RABL2B: variants seen among roughly 807,000 people sequenced by gnomAD.
The protein encoded by RABL2B is RAB, member of RAS oncogene family like 2B.
A neutral mutation model predicts 26.7 loss-of-function variants in RABL2B; 17 were observed. That is an observed-to-expected ratio of 0.64 (90% confidence interval 0.44 to 0.95). The LOEUF (loss-of-function observed/expected upper bound fraction) is 0.95, where lower values mean the gene tolerates loss of function less well. Ranked by LOEUF, RABL2B falls within the 40% of genes least tolerant of loss-of-function variation. The pLI is 0.00. For synonymous variants in RABL2B, 70 were observed against 103.9 expected, an observed-to-expected ratio of 0.67 and a Z score of 1.99; for missense variants, 170 against 277.2, an observed-to-expected ratio of 0.61 and a Z score of 2.75.
At position 50,776,208 on chromosome 22, in the gene RABL2B, C is replaced by T. The variant is rs148023153; in HGVS notation, c.218-357G>A. ...ACTTCTCACGTGCGCTGACCACAGACGGTAGACAGAGTCAGGCAGGCTGTG... is the reference window on the plus strand; with the variant it reads ...ACTTCTCACGTGCGCTGACCACAGATGGTAGACAGAGTCAGGCAGGCTGTG... On this transcript the variant is annotated intron_variant, in intron 4 of 8. Transcript: ENST00000691320. 2.0e-3 allele frequency among the ~76,000 whole-genome samples: 304 copies of T among 152,260 alleles called. 3 individuals carry two copies. Among genetic ancestry groups the T allele is most frequent in the African/African-American group, 7.1e-3 (296 of 41,544 alleles).
intron 6 of RABL2B, 167 bp from the exon 7 acceptor site, chr22:50,769,719 G>A (rs1231893243): frequency 1.7e-6 from 2 of 1,156,128 alleles, no homozygotes; most frequent in South Asian, 3.1e-5. Flanking sequence ...CTTGGAAAGA[G>A]GGCAGGTCGG....
intron 2 of RABL2B, 120 bp from the exon 3 acceptor site, chr22:50,778,101 C>A: frequency 1.5e-6 from 2 of 1,329,068 alleles, no homozygotes; most frequent in Non-Finnish European, 1.1e-6. Flanking sequence ...CCCTTTCACT[C>A]CACAGCCACA....
At chr22:50,777,727 A>G (rs1412790288) in intron 3 of RABL2B, 1 of 654,502 alleles carries the variant, frequency 1.5e-6, no homozygotes, top group African/African-American at 1.8e-5. Flanking sequence ...TGCCCTCTTA[A>G]TATAAAACAA....
At chr22:50,776,128 C>G (rs1384723759) in intron 4 of RABL2B, among the ~76,000 whole-genome samples, 2 of 152,148 alleles carry the variant, frequency 1.3e-5, no homozygotes, top group African/African-American at 2.4e-5. Flanking sequence ...AGGGAGAAGA[C>G]AGTTCCCCGT....
Position 50,778,687 on chromosome 22 carries a change from T to G in RABL2B, c.108-706A>C, listed in dbSNP as rs2085348941. 2.1e-5 allele frequency among the ~76,000 whole-genome samples: 3 copies of G among 146,338 alleles called. No individual in the cohort carries two copies. In the South Asian group the frequency reaches 6.5e-4, roughly 32 times the overall value. ...GCCACTGGCCATTTCCTCCTTTTGT[T>G]GTTGAAATGCTCCTGCCAAATATCT... is the stretch of plus-strand genomic sequence containing the variant. On this transcript the variant is annotated intron_variant, in intron 2 of 8. Coordinates refer to ENST00000691320, the MANE Select transcript of RABL2B (RefSeq NM_001130919.3).
rs1448960822 is a variant in RABL2B, at chr22:50,782,455, T to C, written c.-53-108A>G. Reference sequence around the variant, plus strand: ...CTTCCCTCAGTGCCAGACTGAGATATGGTATGCAATTGACTACTAGACTTG... The same window carrying C: ...CTTCCCTCAGTGCCAGACTGAGATACGGTATGCAATTGACTACTAGACTTG... On this transcript the variant is annotated intron_variant, in intron 1 of 8. Transcript: ENST00000691320. The C allele has an allele frequency of 4.2e-5, 62 of 1,477,616 alleles. No individual in the cohort carries two copies. In the African/African-American group the frequency reaches 6.0e-4, roughly 14 times the overall value. The allele number at this position is 1,477,616 out of a possible 1,614,324, so 91.5% of individuals were successfully genotyped here. A position where few individuals can be genotyped will look rare whatever the true frequency, so the allele number is the denominator to read the frequency against.
At chr22:50,774,355 T>G (rs1173364157) in intron 5 of RABL2B, among the ~76,000 whole-genome samples, 9 of 151,406 alleles carry the variant, frequency 5.9e-5, no homozygotes, top group Non-Finnish European at 1.3e-4. Flanking sequence ...GGCTAGGCCA[T>G]AAAAGGAAAT....
At position 50,776,696 on chromosome 22, in the gene RABL2B, G is replaced by A. The variant is rs377002713; in HGVS notation, c.191C>T (p.Thr64Met). ...CACAAGGATGGTCCTTCCATCTACCGTGGCTGTGTGCTTGTACAGGGTCAG... is the reference window on the plus strand; with the variant it reads ...CACAAGGATGGTCCTTCCATCTACCATGGCTGTGTGCTTGTACAGGGTCAG... ...YALTLYKHTA[T>M]VDGRTILVDF... The change falls in exon 4 of 9, where the codon ACG (threonine) becomes ATG (methionine). Residue 64 changes from threonine to methionine, a missense_variant. Around this residue, in one of 2 missense-constraint regions of RABL2B, gnomAD observed 165 missense variants for 232.0 expected, o/e 0.71. Transcript: ENST00000691320. 42 of 1,611,534 alleles carry A rather than the reference G, an allele frequency of 2.6e-5. No individual in the cohort carries two copies. Among genetic ancestry groups the A allele is most frequent in the Middle Eastern group, 3.3e-4 (2 of 6,076 alleles).
At position 50,767,713 on chromosome 22, in the gene RABL2B, A is replaced by G. The variant is rs1413881277; in HGVS notation, c.*1063T>C. ...GGCACAAGGTCCAAACTATTCCTCA[A>G]AAAAAAGGACAGCCTCTTTATGCTG... is the stretch of plus-strand genomic sequence containing the variant. On this transcript the variant is annotated 3_prime_UTR_variant, in exon 9 of 9. Coordinates refer to ENST00000691320, the MANE Select transcript of RABL2B (RefSeq NM_001130919.3). The G allele has an allele frequency of 4.4e-6, 2 of 454,936 alleles. No homozygotes were observed. Among genetic ancestry groups the G allele is most frequent in the Admixed American group, 4.7e-5 (2 of 42,230 alleles). The allele number at this position is 454,936 out of a possible 1,614,324, so 28.2% of individuals were successfully genotyped here. A position where few individuals can be genotyped will look rare whatever the true frequency, so the allele number is the denominator to read the frequency against.
At chr22:50,776,515 C>T (rs2085010771) in intron 4 of RABL2B, among the ~76,000 whole-genome samples, 155 bp downstream of exon 4, 2 of 152,328 alleles carry the variant, frequency 1.3e-5, no homozygotes, top group South Asian at 2.1e-4. Flanking sequence ...CCTCCTGGCT[C>T]CTGGCTCTCT....
intron 5 of RABL2B, among the ~76,000 whole-genome samples, chr22:50,775,240 A>T (rs1555922434): frequency 6.6e-6 from 1 of 151,860 alleles, no homozygotes; most frequent in Non-Finnish European, 1.5e-5. Context: ...CCTCGGCTGC[A>T]TTTTTCTCTT....
chr22:50,776,551 C>T, intron 4 of RABL2B, 119 bp downstream of exon 4: 1 of 1,407,858 alleles, frequency 7.1e-7, no homozygotes, highest in East Asian at 2.5e-5. Flanking sequence ...CCCCTTGTCC[C>T]TGCCTGGGGT....
chr22:50,771,033 C>T (rs771732037), intron 5 of RABL2B, among the ~76,000 whole-genome samples: 9 of 149,568 alleles, frequency 6.0e-5, no homozygotes, highest in Non-Finnish European at 1.3e-4. Context: ...TTAGCCATCA[C>T]AACTGCCCCT....
intron 2 of RABL2B, chr22:50,780,508 T>C (rs2085658597): frequency 2.9e-6 from 1 of 348,798 alleles, no homozygotes; most frequent in African/African-American, 2.2e-5. Flanking sequence ...TCTTAATGGG[T>C]GTTTTAGCCC....
chr22:50,774,055 C>T (rs538343092), intron 5 of RABL2B, among the ~76,000 whole-genome samples: 8 of 152,256 alleles, frequency 5.3e-5, no homozygotes, highest in East Asian at 3.9e-4. Flanking sequence ...CTACCACGCC[C>T]GGCTAATTTT....
intron 5 of RABL2B, chr22:50,772,787 A>G (rs2084377249): frequency 3.6e-6 from 4 of 1,120,068 alleles, no homozygotes; most frequent in Non-Finnish European, 3.3e-6. Flanking sequence ...GCCTCACACC[A>G]GGCTCAGATG....
chr22:50,774,061 A>AT (rs1362897257), intron 5 of RABL2B, among the ~76,000 whole-genome samples: 6 of 151,924 alleles, frequency 3.9e-5, no homozygotes, highest in Non-Finnish European at 7.4e-5. Context: ...CGCCCGGCTA[A>AT]TTTTTTTGTA....
At chr22:50,780,619 T>A (rs1254065608) in intron 2 of RABL2B, 1 of 464,262 alleles carries the variant, frequency 2.2e-6, no homozygotes, top group Non-Finnish European at 4.5e-6. Flanking sequence ...TCACCTTCCC[T>A]CAGATGCACT....
intron 5 of RABL2B, 76 bp from the exon 6 acceptor site, chr22:50,770,092 C>T: frequency 6.2e-7 from 1 of 1,600,480 alleles, no homozygotes; most frequent in Admixed American, 1.7e-5. Context: ...GACTCACACA[C>T]CCAAGCAGGT....
Sources: gnomAD v4.1 joint callset for allele counts (sites outside exome capture counted in the v4.1 genomes callset) on GRCh38, gnomAD v4.1.1 for gene constraint, gnomAD v4.1.1 regional missense constraint, MANE v1.5 for transcripts, NCBI Gene and HGNC (gene_info 2026-07-23, HGNC 2026-07-21) for gene names.